CXCL3: variants seen among roughly 807,000 people sequenced by gnomAD.
CXCL3 encodes C-X-C motif chemokine ligand 3, also known as C-X-C motif chemokine 3.
A neutral mutation model predicts 11.5 loss-of-function variants in CXCL3; 10 were observed. That is an observed-to-expected ratio of 0.87 (90% CI 0.54 to 1.48). The LOEUF is 1.48. CXCL3 is among the 40% of genes most tolerant of loss of function. The pLI is 0.00. For synonymous variants in CXCL3, 61 were observed against 60.9 expected, an observed-to-expected ratio of 1.00 and a Z score of -0.01; for missense variants, 149 against 139.1, an observed-to-expected ratio of 1.07 and a Z score of -0.36.
rs777952677 is a variant in CXCL3 at position 74,038,196 on chromosome 4, C to T, written c.225-20G>A. 10 of 1,613,908 alleles carry T rather than the reference C, an allele frequency of 6.2e-6. 1 individual carries two copies. The highest frequency in any genetic ancestry group is 1.7e-5 in the Admixed American group (1 of 59,954). ...GTGGCTCTGCAGAGAGAAGGGAATTCCGTGAGACAGGAGGTCGGGCTGGGG... is the reference window on the plus strand; with the variant it reads ...GTGGCTCTGCAGAGAGAAGGGAATTTCGTGAGACAGGAGGTCGGGCTGGGG... On this transcript the variant is annotated intron_variant, in intron 2 of 3. Coordinates refer to ENST00000296026, the MANE Select transcript of CXCL3 (RefSeq NM_002090.3).
Position 74,037,089 on chromosome 4 carries a change from AT to A in CXCL3, c.*172del. On this transcript the variant is annotated 3_prime_UTR_variant, in exon 4 of 4. Transcript: ENST00000296026. ...AATATTAAAATACAAGCTTTCAAAA[AT>A]AAATACATAAATAAGTAGAACCCTC... 3.3e-6 allele frequency: 2 copies of A among 608,640 alleles called. No homozygotes were observed. Among genetic ancestry groups the A allele is most frequent in the Non-Finnish European group, 5.7e-6 (2 of 353,966 alleles). 37.7% of individuals were successfully genotyped at this position (608,640 alleles called of 1,614,324 possible). A position where few individuals can be genotyped will look rare whatever the true frequency, so the allele number is the denominator to read the frequency against.
intron 3 of CXCL3, chr4:74,037,874 G>T: frequency 1.8e-6 from 1 of 550,062 alleles, no homozygotes. Flanking sequence ...CCTCCCAGGG[G>T]TTAGGCCTGG....
rs1720000289 is a variant in CXCL3, at chr4:74,036,768, A to G, written c.*494T>C. 1 of 153,198 alleles carries G rather than the reference A, an allele frequency of 6.5e-6. No homozygotes were observed. Among genetic ancestry groups the G allele is most frequent in the East Asian group, 1.9e-4 (1 of 5,200 alleles). 9.5% of individuals were successfully genotyped at this position (153,198 alleles called of 1,614,324 possible). A position where few individuals can be genotyped will look rare whatever the true frequency, so the allele number is the denominator to read the frequency against. ...TCAGCATAAAAATGTTGAACACATA[A>G]TGTGAGATAATTTGAATAAATAACA... On this transcript the variant is annotated 3_prime_UTR_variant, in exon 4 of 4. Coordinates refer to ENST00000296026, the MANE Select transcript of CXCL3 (RefSeq NM_002090.3).
Position 74,038,132 on chromosome 4 carries a change from G to A in CXCL3, c.269C>T (p.Ser90Phe). 6.2e-7 allele frequency: 1 copy of A among 1,614,134 alleles called. No individual in the cohort carries two copies. Among genetic ancestry groups the A allele is most frequent in the Non-Finnish European group, 8.5e-7 (1 of 1,179,996 alleles). ...TTCGATGATTTTCTGAACCATGGGG[G>A]ATGCGGGGTTGAGACAAGCTTTCTT... The part of the protein sequence containing the change: ...NGKKACLNPA[S>F]PMVQKIIEKI... Residue 90 changes from serine (S) to phenylalanine (F), a missense_variant, in exon 3 of 4, where the codon TCC (serine) becomes TTC (phenylalanine). Ser to Phe is a radical substitution (Grantham distance 155). Coordinates refer to ENST00000296026, the MANE Select transcript of CXCL3 (RefSeq NM_002090.3).
chr4:74,038,447 C>T (rs1040300007), intron 1 of CXCL3, 34 bp from the exon 2 acceptor site: 13 of 1,593,890 alleles, frequency 8.2e-6, no homozygotes, highest in Non-Finnish European at 1.1e-5. Flanking sequence ...TTGAGCGGGG[C>T]TGTCGGCGCG....
Position 74,038,668 on chromosome 4 carries a change from G to C in CXCL3, c.-57C>G. 1 of 1,374,456 alleles carries C rather than the reference G, an allele frequency of 7.3e-7. No homozygotes were observed. Among genetic ancestry groups the C allele is most frequent in the African/African-American group, 1.5e-5 (1 of 66,024 alleles). 85.1% of individuals were successfully genotyped at this position (1,374,456 alleles called of 1,614,324 possible). A position where few individuals can be genotyped will look rare whatever the true frequency, so the allele number is the denominator to read the frequency against. ...GAGAAGCGGGAGAGCTGGCGGGGAGGTGCCTGCGACCCGGGCTGTGTGGCT... is the reference window on the plus strand; with the variant it reads ...GAGAAGCGGGAGAGCTGGCGGGGAGCTGCCTGCGACCCGGGCTGTGTGGCT... On this transcript the variant is annotated 5_prime_UTR_variant, in exon 1 of 4. Transcript: ENST00000296026.
Position 74,038,281 on chromosome 4 carries a change from G to T in CXCL3, c.224+9C>A, listed in dbSNP as rs1243296899. Reference sequence around the variant, plus strand: ...AGCGGTGGCAGCGGAAGCGCGGGGCGGGACTTACATGACTTCGGTTTGGGC... The same window carrying T: ...AGCGGTGGCAGCGGAAGCGCGGGGCTGGACTTACATGACTTCGGTTTGGGC... On this transcript the variant is annotated intron_variant, in intron 2 of 3. Transcript: ENST00000296026. 6.2e-7 allele frequency: 1 copy of T among 1,613,840 alleles called. No homozygotes were observed. Among genetic ancestry groups the T allele is most frequent in the Non-Finnish European group, 8.5e-7 (1 of 1,179,902 alleles).
rs199810402 is a variant in CXCL3 at position 74,037,226 on chromosome 4, C to T, written c.*36G>A. On this transcript the variant is annotated 3_prime_UTR_variant, in exon 4 of 4. Transcript: ENST00000296026. ...GCAGGGACCACCCTGCAGGAAGTGT[C>T]AATGATACGCTGATAAGCTTCTTAC... is the stretch of plus-strand genomic sequence containing the variant. 8 of 1,613,678 alleles carry T rather than the reference C, an allele frequency of 5.0e-6. No individual in the cohort carries two copies. Among genetic ancestry groups the T allele is most frequent in the Non-Finnish European group, 5.1e-6 (6 of 1,179,788 alleles).
Position 74,036,610 on chromosome 4 carries a change from T to C in CXCL3, c.*652A>G, listed in dbSNP as rs200326371. The C allele has an allele frequency of 2.0e-5, 3 of 152,210 alleles. No individual in the cohort carries two copies. Among genetic ancestry groups the C allele is most frequent in the Non-Finnish European group, 4.4e-5 (3 of 68,038 alleles). 9.4% of individuals were successfully genotyped at this position (152,210 alleles called of 1,614,324 possible). A position where few individuals can be genotyped will look rare whatever the true frequency, so the allele number is the denominator to read the frequency against. ...AGCCTTTTTTTTCATAAAACTTTTA[T>C]TATCATGTCATTTGTACAAATGTAA... On this transcript the variant is annotated 3_prime_UTR_variant, in exon 4 of 4. Coordinates refer to ENST00000296026, the MANE Select transcript of CXCL3 (RefSeq NM_002090.3).
chr4:74,037,447 G>C, intron 3 of CXCL3, 170 bp from the exon 4 acceptor site: 1 of 252,392 alleles, frequency 4.0e-6, no homozygotes, highest in Non-Finnish European at 6.3e-6. Context: ...ACTCCTGAAT[G>C]CTTTTTTTTT....
intron 3 of CXCL3, 24 bp from the exon 4 acceptor site, chr4:74,037,301 T>C (rs1720015131): frequency 6.2e-7 from 1 of 1,614,016 alleles, no homozygotes; most frequent in South Asian, 1.1e-5. Flanking sequence ...AGGGTTACTG[T>C]TGCAGGTGCT....
Position 74,038,662 on chromosome 4 carries a change from G to A in CXCL3, c.-51C>T. On this transcript the variant is annotated 5_prime_UTR_variant, in exon 1 of 4. Transcript: ENST00000296026. ...CTGTGCGAGAAGCGGGAGAGCTGGC[G>A]GGGAGGTGCCTGCGACCCGGGCTGT... 1 of 1,378,204 alleles carries A rather than the reference G, an allele frequency of 7.3e-7. No individual in the cohort carries two copies. Among genetic ancestry groups the A allele is most frequent in the Non-Finnish European group, 9.3e-7 (1 of 1,073,704 alleles). The allele number at this position is 1,378,204 out of a possible 1,614,324, so 85.4% of individuals were successfully genotyped here.
Position 74,038,503 on chromosome 4 carries a change from G to A in CXCL3, c.100+9C>T, listed in dbSNP as rs749012465. On this transcript the variant is annotated intron_variant, in intron 1 of 3. Coordinates refer to ENST00000296026, the MANE Select transcript of CXCL3 (RefSeq NM_002090.3). ...TCCGGCCCGGGGACCCCAGGGCGCC[G>A]GGACCCACCTGCTGCGCGCCGGCTG... 12 of 1,536,694 alleles carry A rather than the reference G, an allele frequency of 7.8e-6. No homozygotes were observed. The highest frequency in any genetic ancestry group is 8.7e-6 in the Non-Finnish European group (10 of 1,146,698).
chr4:74,038,066 C>T (rs753106131), intron 3 of CXCL3, 27 bp downstream of exon 3: 1 of 1,612,016 alleles, frequency 6.2e-7, no homozygotes, highest in Non-Finnish European at 8.5e-7. Context: ...GCTCCAGTCG[C>T]CTGTGTATAT....
chr4:74,036,897 C>G lies in CXCL3; in HGVS notation c.*365G>C. ...AATTGCTTGCATTTCAATCCCCCCA[C>G]CCTCCAGTTCCCCACCCTGTCATTT... On this transcript the variant is annotated 3_prime_UTR_variant, in exon 4 of 4. Coordinates refer to ENST00000296026, the MANE Select transcript of CXCL3 (RefSeq NM_002090.3). 1 of 188,872 alleles carries G rather than the reference C, an allele frequency of 5.3e-6. No homozygotes were observed. Among genetic ancestry groups the G allele is most frequent in the South Asian group, 1.2e-4 (1 of 8,644 alleles). 11.7% of individuals were successfully genotyped at this position (188,872 alleles called of 1,614,324 possible). A position where few individuals can be genotyped will look rare whatever the true frequency, so the allele number is the denominator to read the frequency against.
Position 74,038,095 on chromosome 4 carries a change from G to T in CXCL3, c.306C>A (p.Asn102Lys), listed in dbSNP as rs779165994. The change falls in exon 3 of 4, where the codon AAC becomes AAA. Residue 102 changes from asparagine (N) to lysine (K), a missense_variant and splice_region_variant. By Grantham distance (94) the Asn-to-Lys change is moderately conservative (BLOSUM62 0). Transcript: ENST00000296026. ...MVQKIIEKIL[N>K]KGSTN Reference sequence around the variant, plus strand: ...TGTATATGGAAATTACAACTCACTTGTTCAGTATCTTTTCGATGATTTTCT... The same window carrying T: ...TGTATATGGAAATTACAACTCACTTTTTCAGTATCTTTTCGATGATTTTCT... 12 of 1,613,882 alleles carry T rather than the reference G, an allele frequency of 7.4e-6. No individual in the cohort carries two copies. The highest frequency in any genetic ancestry group is 1.0e-5 in the Non-Finnish European group (12 of 1,179,942).
intron 3 of CXCL3, 171 bp from the exon 4 acceptor site, chr4:74,037,448 CTT>C (rs3048371): frequency 1.1e-3 from 332 of 312,414 alleles, no homozygotes; most frequent in Middle Eastern, 2.1e-3. Context: ...CTCCTGAATG[CTT>C]TTTTTTTTTT....
intron 3 of CXCL3, 85 bp downstream of exon 3, chr4:74,038,008 T>G (rs954231349): frequency 3.7e-5 from 50 of 1,368,158 alleles, no homozygotes; most frequent in Non-Finnish European, 4.9e-5. Flanking sequence ...CTCTTGGGGT[T>G]CCCTGATTTT....
At position 74,038,546 on chromosome 4, in the gene CXCL3, G is replaced by GAGCAGC. The variant is rs1256183008; in HGVS notation, c.60_65dup (p.Leu24_Leu25dup). On this transcript the variant is annotated inframe_insertion, in exon 1 of 4. Transcript: ENST00000296026. ...GCCGGCTGGCGGCCACCAGGAGCAG[G>GAGCAGC]AGCAGCAGCGCCACCCGCAGGAGCC... is the stretch of plus-strand genomic sequence containing the variant. 4 of 1,492,220 alleles carry GAGCAGC rather than the reference G, an allele frequency of 2.7e-6. No individual in the cohort carries two copies. The allele number at this position is 1,492,220 out of a possible 1,614,324, so 92.4% of individuals were successfully genotyped here. A position where few individuals can be genotyped will look rare whatever the true frequency, so the allele number is the denominator to read the frequency against.
Sources: allele counts gnomAD v4.1 joint callset, GRCh38; gene constraint gnomAD v4.1.1; transcripts MANE v1.5; gene names NCBI Gene and HGNC (gene_info 2026-07-23, HGNC 2026-07-21).